Variants in GALNT13 observed in about 807,000 individuals in gnomAD.
GALNT13 encodes UDP-GalNAc:polypeptide N-acetylgalactosaminyltransferase 13.
GALNT13 carries 28 observed loss-of-function variants against 64.2 expected under a neutral mutation model. That is an observed-to-expected ratio of 0.44 (90% CI 0.32 to 0.60). GALNT13 has a LOEUF of 0.60. Ranked by LOEUF, GALNT13 falls within the 20% of genes least tolerant of loss-of-function variation. The pLI is 0.05. For synonymous variants in GALNT13, 214 were observed against 224.6 expected, an observed-to-expected ratio of 0.95 and a Z score of 0.42; for missense variants, 577 against 669.8, an observed-to-expected ratio of 0.86 and a Z score of 1.53.
intron 3 of GALNT13, among the ~76,000 whole-genome samples, chr2:154,129,184 T>C (rs2105541184): frequency 6.6e-6 from 1 of 152,302 alleles, no homozygotes. Flanking sequence ...TTTATGGTTT[T>C]TGTATCCCCG....
chr2:153,840,666 C>T, the GALNT13 span, among the ~76,000 whole-genome samples: 1 of 152,012 alleles, frequency 6.6e-6, no homozygotes, highest in African/African-American at 2.4e-5. Flanking sequence ...TACCCTGATG[C>T]TTATAAAAGC....
chr2:153,389,734 C>T, the GALNT13 span, among the ~76,000 whole-genome samples: 2 of 152,002 alleles, frequency 1.3e-5, no homozygotes, highest in South Asian at 2.1e-4. Flanking sequence ...TACAGTGGCA[C>T]CTGGTGGAGG....
chr2:154,428,463 A>G (rs1700564645), intron 11 of GALNT13, among the ~76,000 whole-genome samples: 1 of 152,214 alleles, frequency 6.6e-6, no homozygotes, highest in Admixed American at 6.5e-5. Flanking sequence ...CCAAATATAC[A>G]TGTAGACATT....
the GALNT13 span, among the ~76,000 whole-genome samples, chr2:153,749,235 C>T: frequency 6.6e-6 from 1 of 151,898 alleles, no homozygotes; most frequent in African/African-American, 2.4e-5. Flanking sequence ...GACTATAACT[C>T]TGTAGCATAA....
the GALNT13 span, among the ~76,000 whole-genome samples, chr2:153,808,929 C>G: frequency 4.6e-5 from 7 of 152,168 alleles, no homozygotes; most frequent in African/African-American, 1.7e-4. Context: ...GTGCATACAC[C>G]TGAATATCTG....
the GALNT13 span, among the ~76,000 whole-genome samples, chr2:153,533,723 C>CTTTTTGTTTTTTTT: frequency 2.1e-5 from 1 of 48,732 alleles, no homozygotes; most frequent in Non-Finnish European, 3.6e-5. Context: ...TGAGGTTTTT[C>CTTTTTGTTTTTTTT]TTTTTTTTTT....
the GALNT13 span, among the ~76,000 whole-genome samples, chr2:153,170,913 T>C: frequency 6.2e-4 from 94 of 152,346 alleles, no homozygotes; most frequent in African/African-American, 2.2e-3. Flanking sequence ...ATTAACAAAG[T>C]AAGGTTCTGA....
chr2:154,107,448 G>T (rs192796723), intron 3 of GALNT13, among the ~76,000 whole-genome samples: 1,554 of 151,714 alleles, frequency 0.01, 14 homozygotes, highest in South Asian at 0.018. Flanking sequence ...AAATTAGCTG[G>T]GCGTAGTGGC....
chr2:154,115,535 C>T (rs1170976099), intron 3 of GALNT13, among the ~76,000 whole-genome samples: 1 of 152,066 alleles, frequency 6.6e-6, no homozygotes, highest in East Asian at 1.9e-4. Context: ...ATTCTCCTAC[C>T]TCAGCCCCCT....
At chr2:154,373,057 A>C (rs1479522826) in intron 9 of GALNT13, among the ~76,000 whole-genome samples, 1 of 152,144 alleles carries the variant, frequency 6.6e-6, no homozygotes, top group Non-Finnish European at 1.5e-5. Context: ...TAAAAAGTCA[A>C]AATATTTAAA....
chr2:154,451,581 G>T lies in GALNT13; in HGVS notation c.*1030G>T, dbSNP rs1039500082. On this transcript the variant is annotated 3_prime_UTR_variant, in exon 13 of 13. Coordinates refer to ENST00000392825, the MANE Select transcript of GALNT13 (RefSeq NM_052917.4). ...AGTATCTAAAAATTTTATCACCAGG[G>T]GAATAAACTCAATACACATTCATTA... The T allele has an allele frequency of 4.6e-5, 7 of 151,786 alleles. No homozygotes were observed. Among genetic ancestry groups the T allele is most frequent in the Non-Finnish European group, 1.0e-4 (7 of 67,970 alleles). 9.4% of individuals were successfully genotyped at this position (151,786 alleles called of 1,614,324 possible). A position where few individuals can be genotyped will look rare whatever the true frequency, so the allele number is the denominator to read the frequency against.
chr2:153,503,278 A>G, the GALNT13 span, among the ~76,000 whole-genome samples: 1 of 152,118 alleles, frequency 6.6e-6, no homozygotes, highest in African/African-American at 2.4e-5. Flanking sequence ...ATGAGGATCC[A>G]GTTTCATTCT....
intron 2 of GALNT13, among the ~76,000 whole-genome samples, chr2:153,901,300 G>T (rs1373274340): frequency 1.3e-5 from 2 of 152,004 alleles, no homozygotes; most frequent in Admixed American, 6.6e-5. Context: ...GATTGCCTTG[G>T]CTATTTTGGC....
chr2:153,381,644 G>A, the GALNT13 span, among the ~76,000 whole-genome samples: 1 of 152,050 alleles, frequency 6.6e-6, no homozygotes, highest in Non-Finnish European at 1.5e-5. Context: ...GATGAGATCA[G>A]TAAGGTCAGA....
At chr2:153,585,361 AT>A in the GALNT13 span, among the ~76,000 whole-genome samples, 1 of 152,192 alleles carries the variant, frequency 6.6e-6, no homozygotes, top group African/African-American at 2.4e-5. Flanking sequence ...ATCTTTTAAA[AT>A]AATTCAGTTA....
intron 12 of GALNT13, among the ~76,000 whole-genome samples, chr2:154,450,102 A>C (rs1294946312): frequency 2.0e-5 from 3 of 152,054 alleles, no homozygotes; most frequent in Non-Finnish European, 2.9e-5. Context: ...GCAGTCCTCA[A>C]CTGAACTCGG....
chr2:154,028,078 T>A (rs1465190595), intron 3 of GALNT13, among the ~76,000 whole-genome samples: 1 of 152,122 alleles, frequency 6.6e-6, no homozygotes. Flanking sequence ...CAAAGGAGGA[T>A]GGTAAACTTT....
Position 153,967,255 on chromosome 2 carries a change from G to A in GALNT13, c.142+22616G>A, listed in dbSNP as rs183992912. On this transcript the variant is annotated intron_variant, in intron 3 of 12. Transcript: ENST00000392825. Reference sequence around the variant, plus strand: ...GTGCCTTATTTAGTTAATGTGGTGAGGCTATGTTTTCCTAATGTCCTTGAT... The same window carrying A: ...GTGCCTTATTTAGTTAATGTGGTGAAGCTATGTTTTCCTAATGTCCTTGAT... Among the ~76,000 whole-genome samples, 561 of 152,224 alleles carry A rather than the reference G, an allele frequency of 3.7e-3. 3 individuals are homozygous for A. Among genetic ancestry groups the A allele is most frequent in the Non-Finnish European group, 6.7e-3 (454 of 68,024 alleles).
the GALNT13 span, among the ~76,000 whole-genome samples, chr2:153,123,372 C>T: frequency 6.6e-6 from 1 of 152,156 alleles, no homozygotes; most frequent in Admixed American, 6.5e-5. Context: ...GACACACACC[C>T]AAGACCTTAA....
Sources: gnomAD v4.1 joint callset for allele counts (sites outside exome capture counted in the v4.1 genomes callset) on GRCh38, gnomAD v4.1.1 for gene constraint, MANE v1.5 for transcripts, NCBI Gene and HGNC (gene_info 2026-07-23, HGNC 2026-07-21) for gene names.